OPRM1: variants seen among roughly 807,000 people sequenced by gnomAD.
The protein encoded by OPRM1 is opioid receptor mu 1, also known as mu-type opioid receptor.
A neutral mutation model predicts 31.8 loss-of-function variants in OPRM1; 27 were observed. The observed-to-expected ratio is 0.85, with a 90% CI of 0.63 to 1.17. The LOEUF is 1.17. Among genes scored for constraint, OPRM1 ranks in the 50% most tolerant of loss-of-function variants. OPRM1 has a pLI of 0.00. For missense variants in OPRM1, 536 were observed against 511.1 expected (o/e 1.05, Z -0.47); for synonymous variants, 196 against 189.9 (o/e 1.03, Z -0.26).
intron 1 of OPRM1, among the ~76,000 whole-genome samples, chr6:154,068,549 TG>T (rs909406817): frequency 1.2e-4 from 18 of 152,200 alleles, no homozygotes; most frequent in Non-Finnish European, 2.9e-5. Context: ...TTCTTTTTTA[TG>T]GCTAAGTCGT....
intron 3 of OPRM1, among the ~76,000 whole-genome samples, chr6:154,175,456 T>A (rs1434177222): frequency 3.6e-5 from 5 of 140,366 alleles, no homozygotes; most frequent in South Asian, 2.2e-4. Context: ...GAAAGAAGAA[T>A]CAAATAGACA....
chr6:154,010,566 T>C, exon 1 of OPRM1: 3 of 1,545,592 alleles, frequency 1.9e-6, no homozygotes, highest in Non-Finnish European at 2.6e-6. Context: ...CCAGGTTCAT[T>C]TGGAAGAAAA....
chr6:154,011,287 T>C (rs1777712777), intron 1 of OPRM1, among the ~76,000 whole-genome samples: 1 of 152,178 alleles, frequency 6.6e-6, no homozygotes, highest in African/African-American at 2.4e-5. Flanking sequence ...TATGGTTTTA[T>C]AGAAATTATT....
rs567876589 is a variant in OPRM1, at chr6:154,127,308, A to G, written c.*8587A>G. On this transcript the variant is annotated 3_prime_UTR_variant, in exon 4 of 4. Transcript: ENST00000330432. ...GATTCCGCCAGAGACTTCCAAAAGA[A>G]GAGGTCTCATTTATAAAGTGAATTT... 6.6e-6 allele frequency among the ~76,000 whole-genome samples: 1 copy of G among 152,330 alleles called. No individual in the cohort carries two copies. The highest frequency in any genetic ancestry group is 2.4e-5 in the African/African-American group (1 of 41,578).
intron 3 of OPRM1, among the ~76,000 whole-genome samples, chr6:154,171,576 T>C (rs1422925839): frequency 6.6e-6 from 1 of 152,178 alleles, no homozygotes; most frequent in African/African-American, 2.4e-5. Flanking sequence ...CCAAATATAC[T>C]AAAAACCAAT....
At chr6:154,091,863 C>T in intron 3 of OPRM1, 1 of 998,234 alleles carries the variant, frequency 1.0e-6, no homozygotes, top group Non-Finnish European at 1.2e-6. Flanking sequence ...TTCTCAAAAG[C>T]CAGTCTTGCT....
chr6:154,210,281 G>A (rs952444736), intron 3 of OPRM1, among the ~76,000 whole-genome samples: 2 of 152,174 alleles, frequency 1.3e-5, no homozygotes, highest in Admixed American at 6.5e-5. Context: ...GAAAATGCCA[G>A]TATTTTACAA....
intron 3 of OPRM1, among the ~76,000 whole-genome samples, chr6:154,197,630 G>A (rs184879232): frequency 2.0e-5 from 3 of 152,320 alleles, no homozygotes; most frequent in Admixed American, 6.5e-5. Flanking sequence ...AAAAGGGCTG[G>A]TGGTACCCAG....
At chr6:154,113,849 G>T (rs368532846) in intron 3 of OPRM1, among the ~76,000 whole-genome samples, 1 of 152,154 alleles carries the variant, frequency 6.6e-6, no homozygotes, top group African/African-American at 2.4e-5. Flanking sequence ...GAGAGGCTGG[G>T]ATTCAGAGAC....
At chr6:154,093,383 C>CTCGTCCTGCCT (rs1185862727) in intron 3 of OPRM1, 10 of 1,614,036 alleles carry the variant, frequency 6.2e-6, no homozygotes, top group Admixed American at 1.7e-5. Context: ...CTATCCTTCA[C>CTCGTCCTGCCT]TCGTCCTGCC....
intron 1 of OPRM1, among the ~76,000 whole-genome samples, chr6:154,089,434 T>A (rs957563319): frequency 6.6e-6 from 1 of 151,984 alleles, no homozygotes; most frequent in Non-Finnish European, 1.5e-5. Flanking sequence ...AAAAGTTTTT[T>A]AAAATTAACA....
At chr6:154,108,596 A>G (rs767098446) in intron 3 of OPRM1, 31 of 175,926 alleles carry the variant, frequency 1.8e-4, no homozygotes, top group Non-Finnish European at 2.8e-4. Context: ...TGCCATCCAC[A>G]GCCATCAGCA....
chr6:154,118,229 T>C (rs1797077876), intron 3 of OPRM1, among the ~76,000 whole-genome samples: 1 of 152,116 alleles, frequency 6.6e-6, no homozygotes, highest in Non-Finnish European at 1.5e-5. Flanking sequence ...ATCATTAATT[T>C]TGAGAATTGG....
intron 1 of OPRM1, among the ~76,000 whole-genome samples, chr6:154,078,064 G>C (rs1788272866): frequency 6.6e-6 from 1 of 152,046 alleles, no homozygotes; most frequent in Admixed American, 6.6e-5. Flanking sequence ...CTTAACCCTA[G>C]CTCTGGGTTT....
rs555933339 is a variant in OPRM1, at chr6:154,027,661, G to A, written c.1-11500G>A. 4.3e-4 allele frequency among the ~76,000 whole-genome samples: 65 copies of A among 152,290 alleles called. 1 individual carries two copies. The highest frequency in any genetic ancestry group is 1.5e-3 in the African/African-American group (64 of 41,560). On this transcript the variant is annotated intron_variant, in intron 1 of 5. Coordinates refer to the OPRM1 transcript ENST00000434900. ...TTAGAACTCTATCTGGTATTCTATT[G>A]TACTGTGGCTGAAGTAGTACTCAAA...
chr6:154,148,622 G>C (rs1798417364), intron 3 of OPRM1, among the ~76,000 whole-genome samples: 1 of 152,182 alleles, frequency 6.6e-6, no homozygotes, highest in South Asian at 2.1e-4. Context: ...ATAAAGATCA[G>C]ATCATCAACA....
intron 3 of OPRM1, among the ~76,000 whole-genome samples, chr6:154,235,256 C>T: frequency 6.6e-6 from 1 of 152,156 alleles, no homozygotes; most frequent in East Asian, 1.9e-4. Context: ...ATAGGCCGGG[C>T]ATGGTGGCTC....
chr6:154,029,694 C>A (rs1778897697), intron 1 of OPRM1, among the ~76,000 whole-genome samples: 1 of 152,074 alleles, frequency 6.6e-6, no homozygotes, highest in Admixed American at 6.5e-5. Context: ...TTGTAGTTTC[C>A]ATAATCCCCG....
chr6:154,045,839 G>A (rs1166170653), intron 1 of OPRM1, among the ~76,000 whole-genome samples: 1 of 152,184 alleles, frequency 6.6e-6, no homozygotes, highest in African/African-American at 2.4e-5. Context: ...ATGGAAGCCT[G>A]TGGAAAAATG....
Sources: gnomAD v4.1 joint callset for allele counts (sites outside exome capture counted in the v4.1 genomes callset) on GRCh38, gnomAD v4.1.1 for gene constraint, MANE v1.5 for transcripts, NCBI Gene and HGNC (gene_info 2026-07-23, HGNC 2026-07-21) for gene names.